Variants in SEC11C observed in about 807,000 individuals in gnomAD.
SEC11C encodes signal peptidase complex catalytic subunit SEC11C.
A neutral mutation model predicts 21.9 loss-of-function variants in SEC11C; 10 were observed. The observed-to-expected ratio is 0.46, with a 90% CI of 0.28 to 0.77. The LOEUF (loss-of-function observed/expected upper bound fraction) is 0.77, where lower values mean the gene tolerates loss of function less well. SEC11C is among the 30% of genes least tolerant of loss of function. The pLI is 0.12. For missense variants in SEC11C, 145 were observed against 244.5 expected, an observed-to-expected ratio of 0.59 and a Z score of 2.71; for synonymous variants, 83 against 85.6, an observed-to-expected ratio of 0.97 and a Z score of 0.17.
chr18:59,147,191 A>G (rs1470634057), intron 1 of SEC11C: 1 of 152,144 alleles, frequency 6.6e-6, no homozygotes, highest in Non-Finnish European at 1.5e-5. Flanking sequence ...TGTATTTTAA[A>G]CTGTATTTAA....
At chr18:59,150,396 G>A (rs1048202133) in intron 2 of SEC11C, among the ~76,000 whole-genome samples, 1 of 152,200 alleles carries the variant, frequency 6.6e-6, no homozygotes, top group East Asian at 1.9e-4. Context: ...TCCACCAGGC[G>A]TTGCCACCAC....
intron 2 of SEC11C, among the ~76,000 whole-genome samples, chr18:59,151,919 A>G (rs1481528406): frequency 6.6e-6 from 1 of 152,266 alleles, no homozygotes; most frequent in Admixed American, 6.5e-5. Flanking sequence ...TTAAATCGGT[A>G]TCATGTGGAA....
At position 59,158,743 on chromosome 18, in the gene SEC11C, C is replaced by CT. The variant is rs1194668434; in HGVS notation, c.*59dup. Reference sequence around the variant, plus strand: ...TGAATTCTGTTGAAAAAGAGAAAAACTAATATATTTGAGATGTTCCATTTT... The same window carrying CT: ...TGAATTCTGTTGAAAAAGAGAAAAACTTAATATATTTGAGATGTTCCATTTT... On this transcript the variant is annotated 3_prime_UTR_variant, in exon 6 of 6. Coordinates refer to ENST00000587834, the MANE Select transcript of SEC11C (RefSeq NM_033280.4). The CT allele has an allele frequency of 7.2e-7, 1 of 1,391,498 alleles. No homozygotes were observed. Among genetic ancestry groups the CT allele is most frequent in the Non-Finnish European group, 1.0e-6 (1 of 978,702 alleles). 86.2% of individuals were successfully genotyped at this position (1,391,498 alleles called of 1,614,324 possible). A position where few individuals can be genotyped will look rare whatever the true frequency, so the allele number is the denominator to read the frequency against.
chr18:59,146,619 T>G (rs1603376907), intron 1 of SEC11C, among the ~76,000 whole-genome samples: 1 of 152,210 alleles, frequency 6.6e-6, no homozygotes, highest in East Asian at 1.9e-4. Flanking sequence ...CAGTTATCCT[T>G]TGGATTTAGT....
At chr18:59,140,916 G>C (rs1438096382) in intron 1 of SEC11C, among the ~76,000 whole-genome samples, 2 of 152,056 alleles carry the variant, frequency 1.3e-5, no homozygotes, top group Admixed American at 1.3e-4. Context: ...GAGAATTTGG[G>C]GGACCTGTAG....
At chr18:59,144,749 A>T (rs1055947568) in intron 1 of SEC11C, among the ~76,000 whole-genome samples, 4 of 149,132 alleles carry the variant, frequency 2.7e-5, no homozygotes, top group Non-Finnish European at 5.9e-5. Flanking sequence ...AAAAAAAAAA[A>T]GTTGCTAGAA....
chr18:59,140,200 C>A, intron 1 of SEC11C, 165 bp downstream of exon 1: 1 of 572,626 alleles, frequency 1.7e-6, no homozygotes, highest in Non-Finnish European at 3.1e-6. Flanking sequence ...TACGTGTGGG[C>A]ATGGGTGTGC....
chr18:59,146,032 C>T (rs1457099595), intron 1 of SEC11C, among the ~76,000 whole-genome samples: 3 of 152,208 alleles, frequency 2.0e-5, no homozygotes, highest in Non-Finnish European at 4.4e-5. Flanking sequence ...ATGTGTCTGT[C>T]ATGAAGTGGC....
chr18:59,145,512 G>A (rs1266951395), intron 1 of SEC11C, among the ~76,000 whole-genome samples: 1 of 152,224 alleles, frequency 6.6e-6, no homozygotes, highest in Non-Finnish European at 1.5e-5. Context: ...AGAAGCATGT[G>A]AGGTGGAAGC....
chr18:59,157,731 T>G, intron 5 of SEC11C, 66 bp downstream of exon 5: 1 of 1,096,326 alleles, frequency 9.1e-7, no homozygotes, highest in South Asian at 1.3e-5. Context: ...CTTCTGCAAC[T>G]GTAAACAGGC....
Position 59,149,604 on chromosome 18 carries a change from C to T in SEC11C, c.179C>T (p.Pro60Leu). The change falls in exon 2 of 6, where the codon CCC becomes CTC. Residue 60 changes from proline to leucine, a missense_variant. Transcript: ENST00000587834. ...ATCGTGCTCACAGGCAGTGAGAGCC[C>T]CATCGTGGTGGTGCTGAGGTAGGTC... is the stretch of plus-strand genomic sequence containing the variant. The part of the protein sequence containing the change: ...GLIVLTGSES[P>L]IVVVLSGSME... 6.2e-7 allele frequency: 1 copy of T among 1,610,526 alleles called. No individual in the cohort carries two copies. Among genetic ancestry groups the T allele is most frequent in the South Asian group, 1.1e-5 (1 of 90,784 alleles).
intron 1 of SEC11C, among the ~76,000 whole-genome samples, chr18:59,144,050 C>T (rs965227913): frequency 1.3e-5 from 2 of 152,022 alleles, no homozygotes; most frequent in Non-Finnish European, 2.9e-5. Context: ...GATCGGGTTT[C>T]ACCATGTTGG....
Position 59,158,625 on chromosome 18 carries a change from T to G in SEC11C, c.526-7T>G, listed in dbSNP as rs1484962910. Reference sequence around the variant, plus strand: ...CACAGTGATTTTCCATTGTGTTTTCTTTCCAGTATGCTCTTTTGGCTGTAA... The same window carrying G: ...CACAGTGATTTTCCATTGTGTTTTCGTTCCAGTATGCTCTTTTGGCTGTAA... On this transcript the variant is annotated splice_region_variant and splice_polypyrimidine_tract_variant and intron_variant, in intron 5 of 5. Transcript: ENST00000587834. The G allele has an allele frequency of 6.8e-6, 11 of 1,613,388 alleles. No individual in the cohort carries two copies. The highest frequency in any genetic ancestry group is 9.3e-6 in the Non-Finnish European group (11 of 1,179,502).
At chr18:59,147,517 C>G (rs535111463) in intron 1 of SEC11C, 1 of 152,452 alleles carries the variant, frequency 6.6e-6, no homozygotes, top group East Asian at 1.9e-4. Flanking sequence ...CAGCCAAATA[C>G]TAGAAGCTGG....
intron 2 of SEC11C, 132 bp from the exon 3 acceptor site, chr18:59,152,404 A>G (rs760164259): frequency 1.1e-6 from 1 of 908,118 alleles, no homozygotes; most frequent in South Asian, 2.4e-5. Context: ...AGCAGTTAAG[A>G]AGGAAGCCAC....
At chr18:59,148,360 A>C (rs1228557776) in intron 1 of SEC11C, among the ~76,000 whole-genome samples, 1 of 152,230 alleles carries the variant, frequency 6.6e-6, no homozygotes, top group East Asian at 1.9e-4. Context: ...CTGACAGGTC[A>C]GCTCCAGCCT....
At chr18:59,154,602 G>A (rs531398413) in intron 3 of SEC11C, among the ~76,000 whole-genome samples, 13 of 152,302 alleles carry the variant, frequency 8.5e-5, no homozygotes, top group African/African-American at 2.6e-4. Context: ...TACTACCGTG[G>A]TCAGTGGTGA....
intron 4 of SEC11C, 186 bp downstream of exon 4, chr18:59,155,993 C>T: frequency 1.7e-6 from 1 of 593,100 alleles, no homozygotes; most frequent in South Asian, 2.0e-5. Flanking sequence ...AAATCTAAAA[C>T]TGAACCCAAT....
intron 1 of SEC11C, among the ~76,000 whole-genome samples, chr18:59,140,535 T>C (rs759450890): frequency 6.6e-6 from 1 of 152,232 alleles, no homozygotes; most frequent in Non-Finnish European, 1.5e-5. Flanking sequence ...GCAGTTGTTT[T>C]TCCCCTGACC....
Sources: gnomAD v4.1 joint callset for allele counts (sites outside exome capture counted in the v4.1 genomes callset) on GRCh38, gnomAD v4.1.1 for gene constraint, MANE v1.5 for transcripts, NCBI Gene and HGNC (gene_info 2026-07-23, HGNC 2026-07-21) for gene names.